The following SMIM31 variants were observed in gnomAD, a reference collection of about 807,000 sequenced individuals.
SMIM31 encodes the protein human epithelial cell program regulator.
intron 1 of SMIM31, among the ~76,000 whole-genome samples, chr4:164,762,779 G>A (rs942074061): frequency 7.2e-5 from 11 of 151,990 alleles, no homozygotes; most frequent in Non-Finnish European, 1.6e-4. Context: ...CTTATATTCA[G>A]TGCACACTTC....
At chr4:164,793,226 A>G (rs564907689) in intron 2 of SMIM31, among the ~76,000 whole-genome samples, 1 of 152,354 alleles carries the variant, frequency 6.6e-6, no homozygotes, top group African/African-American at 2.4e-5. Context: ...AGGAGGGAGA[A>G]AAGAAGGGTT....
rs1375622574 is a variant in SMIM31, at chr4:164,797,967, T to C, written c.113-3124T>C. On this transcript the variant is annotated intron_variant, in intron 2 of 2. Transcript: ENST00000507311. ...GTACCTATTGATTATCTCTCACCTA[T>C]AAGTGAGAACATACAGTATTTGTCT... 7.9e-5 allele frequency among the ~76,000 whole-genome samples: 12 copies of C among 152,156 alleles called. 1 individual carries two copies. Among genetic ancestry groups the C allele is most frequent in the Non-Finnish European group, 1.8e-4 (12 of 68,034 alleles).
chr4:164,758,635 T>TG (rs931584783), intron 1 of SMIM31, among the ~76,000 whole-genome samples: 16 of 124,246 alleles, frequency 1.3e-4, no homozygotes, highest in African/African-American at 3.5e-4. Context: ...TTTTTGTTTT[T>TG]TTTTTTTTTT....
At chr4:164,766,706 G>A (rs1184467011) in intron 1 of SMIM31, among the ~76,000 whole-genome samples, 1 of 151,886 alleles carries the variant, frequency 6.6e-6, no homozygotes, top group Non-Finnish European at 1.5e-5. Context: ...ACTGAGGCAG[G>A]AGAATCGCTT....
intron 1 of SMIM31, among the ~76,000 whole-genome samples, chr4:164,761,089 A>G (rs1448115118): frequency 6.6e-6 from 1 of 152,208 alleles, no homozygotes; most frequent in African/African-American, 2.4e-5. Context: ...AAGCCAAAGA[A>G]TTAAATGCTT....
chr4:164,755,042 T>A lies in SMIM31; in HGVS notation c.-26+631T>A, dbSNP rs1210128226. On this transcript the variant is annotated intron_variant, in intron 1 of 2. Transcript: ENST00000507311. ...TAGCCTTAAACTTAAAATAAATAAT[T>A]ATTTAACTACATCCCTTAAAAATAT... is the stretch of plus-strand genomic sequence containing the variant. 8.0e-5 allele frequency among the ~76,000 whole-genome samples: 10 copies of A among 125,438 alleles called. 1 individual carries two copies. Among genetic ancestry groups the A allele is most frequent in the Non-Finnish European group, 1.7e-4 (10 of 60,094 alleles). The allele number at this position is 125,438 out of a possible 152,430, so 82.3% of individuals were successfully genotyped here. A position where few individuals can be genotyped will look rare whatever the true frequency, so the allele number is the denominator to read the frequency against.
intron 1 of SMIM31, among the ~76,000 whole-genome samples, chr4:164,767,669 G>C (rs1732737067): frequency 6.6e-6 from 1 of 152,198 alleles, no homozygotes; most frequent in Non-Finnish European, 1.5e-5. Flanking sequence ...TTTGCATTTA[G>C]AAAATAACTC....
chr4:164,763,104 T>C (rs1038131892), intron 1 of SMIM31, among the ~76,000 whole-genome samples: 3 of 152,200 alleles, frequency 2.0e-5, no homozygotes, highest in African/African-American at 2.4e-5. Flanking sequence ...TATACCCTTA[T>C]GAAGGGGAAA....
At chr4:164,782,377 A>ATTT (rs760284575) in intron 2 of SMIM31, among the ~76,000 whole-genome samples, 6 of 98,676 alleles carry the variant, frequency 6.1e-5, no homozygotes, top group South Asian at 2.7e-4. Flanking sequence ...TCTTTCTTTT[A>ATTT]TTTTTTTTTT....
At chr4:164,784,898 G>GTTTTTT (rs1560829979) in intron 2 of SMIM31, among the ~76,000 whole-genome samples, 2 of 81,534 alleles carry the variant, frequency 2.5e-5, no homozygotes, top group Non-Finnish European at 4.9e-5. Flanking sequence ...TATTTGTTTG[G>GTTTTTT]GTTTTTTTTT....
intron 1 of SMIM31, among the ~76,000 whole-genome samples, chr4:164,759,298 T>C (rs767385666): frequency 2.6e-5 from 4 of 152,166 alleles, no homozygotes; most frequent in Non-Finnish European, 5.9e-5. Context: ...CCTTAAGTGT[T>C]TGATAGAATG....
At position 164,757,594 on chromosome 4, in the gene SMIM31, A is replaced by C. The variant is rs144467619; in HGVS notation, c.-26+3183A>C. ...AGACTATGTTGAATTTATTTTTCAT[A>C]TGTTGCTGAAGCAGAAATAGAAGTT... On this transcript the variant is annotated intron_variant, in intron 1 of 2. Coordinates refer to ENST00000507311, the MANE Select transcript of SMIM31 (RefSeq NM_001352885.1). Among the ~76,000 whole-genome samples, 75 of 151,790 alleles carry C rather than the reference A, an allele frequency of 4.9e-4. No homozygotes were observed. The East Asian group carries it at 0.014, about 28-fold the overall frequency.
chr4:164,761,127 C>T (rs556084283), intron 1 of SMIM31, among the ~76,000 whole-genome samples: 1 of 152,218 alleles, frequency 6.6e-6, no homozygotes, highest in African/African-American at 2.4e-5. Context: ...TTGAAACCAA[C>T]CATATTTTCA....
chr4:164,798,443 A>C (rs1479013743), intron 2 of SMIM31, among the ~76,000 whole-genome samples: 2 of 151,302 alleles, frequency 1.3e-5, no homozygotes, highest in African/African-American at 4.9e-5. Context: ...GGGTTTCACC[A>C]TGTTAACCAG....
intron 2 of SMIM31, among the ~76,000 whole-genome samples, chr4:164,772,732 C>T (rs866556600): frequency 2.6e-5 from 4 of 151,714 alleles, no homozygotes; most frequent in Non-Finnish European, 5.9e-5. Flanking sequence ...GCGCCCGCCA[C>T]CACGCCCGGC....
chr4:164,761,766 A>AG (rs1732653381), intron 1 of SMIM31, among the ~76,000 whole-genome samples: 2 of 150,910 alleles, frequency 1.3e-5, no homozygotes, highest in Non-Finnish European at 3.0e-5. Context: ...AAAATACAAA[A>AG]AAAAAAAATT....
At chr4:164,755,473 C>CT (rs1345557681) in intron 1 of SMIM31, among the ~76,000 whole-genome samples, 1 of 140,056 alleles carries the variant, frequency 7.1e-6, no homozygotes, top group African/African-American at 2.7e-5. Flanking sequence ...GAGGGAGACT[C>CT]TGTCTCAAAC....
At chr4:164,776,385 T>C (rs1483765922) in intron 2 of SMIM31, among the ~76,000 whole-genome samples, 1 of 152,198 alleles carries the variant, frequency 6.6e-6, no homozygotes, top group Non-Finnish European at 1.5e-5. Context: ...CTTTTTTACA[T>C]GCTGTTTGCA....
Position 164,801,410 on chromosome 4 carries a change from C to T in SMIM31, c.*216C>T, listed in dbSNP as rs953721511. On this transcript the variant is annotated 3_prime_UTR_variant, in exon 3 of 3. Coordinates refer to ENST00000507311, the MANE Select transcript of SMIM31 (RefSeq NM_001352885.1). ...TCCAAAATATCTATTAAGAGCCATA[C>T]ACCATTCTAGCTGCAATTGATTATA... 1 of 345,120 alleles carries T rather than the reference C, an allele frequency of 2.9e-6. No individual in the cohort carries two copies. Among genetic ancestry groups the T allele is most frequent in the African/African-American group, 2.1e-5 (1 of 47,310 alleles). The allele number at this position is 345,120 out of a possible 1,614,324, so 21.4% of individuals were successfully genotyped here.
Sources: allele counts gnomAD v4.1 joint callset (sites outside exome capture counted in the v4.1 genomes callset), GRCh38; gene constraint gnomAD v4.1.1; transcripts MANE v1.5; gene names NCBI Gene and HGNC (gene_info 2026-07-23, HGNC 2026-07-21).